H2BC5: variants seen among roughly 807,000 people sequenced by gnomAD.
H2BC5 encodes the protein histone H2B type 1-D.
Under a neutral mutation model 5.7 loss-of-function variants are expected in H2BC5, and 9 were observed. The ratio of observed to expected loss-of-function variants is 1.57; its 90% CI spans 0.95 to 2.74. The LOEUF (loss-of-function observed/expected upper bound fraction) is 2.74. H2BC5 is among the 30% of genes most tolerant of loss of function. H2BC5 has a pLI of 0.00. For missense variants in H2BC5, 175 were observed against 168.8 expected (o/e 1.04, Z -0.20); for synonymous variants, 133 against 70.9 (o/e 1.88, Z -4.40).
At chr6:26,160,121 C>CT (rs1764328521), downstream of H2BC5, among the ~76,000 whole-genome samples, 1 of 151,824 alleles carries the variant, frequency 6.6e-6, no homozygotes, top group African/African-American at 2.4e-5. Flanking sequence ...GTAGATTCTA[C>CT]TGCTAAGGCT....
downstream of H2BC5, chr6:26,158,777 C>G: frequency 1.5e-6 from 1 of 673,362 alleles, no homozygotes; most frequent in South Asian, 2.1e-5. Context: ...CGTATTAGAT[C>G]GTTAGCTCAT....
chr6:26,158,457 G>C lies in H2BC5; in HGVS notation c.288G>C (p.Gln96His). Residue 96 changes from glutamine (Q) to histidine (H), a missense_variant, in exon 1 of 1, where the codon CAG (glutamine) becomes CAC (histidine). Coordinates refer to ENST00000377777, the MANE Select transcript of H2BC5 (RefSeq NM_021063.4). ...CGACCATCACCTCCAGGGAGATCCA[G>C]ACGGCCGTGCGCCTGCTGCTTCCGG... ...KRSTITSREI[Q>H]TAVRLLLPGE... 1 of 1,614,270 alleles carries C rather than the reference G, an allele frequency of 6.2e-7. No homozygotes were observed. Among genetic ancestry groups the C allele is most frequent in the Non-Finnish European group, 8.5e-7 (1 of 1,180,054 alleles).
rs1420272988 is a variant in H2BC5 at position 26,158,132 on chromosome 6, C to T, written c.-38C>T. The T allele has an allele frequency of 2.5e-6, 4 of 1,582,466 alleles. No homozygotes were observed. The highest frequency in any genetic ancestry group is 3.8e-5 in the Admixed American group (2 of 53,014). ...GCCTCGGCGGGAGTGATTATTTTCT[C>T]AGGTGTTTGCAACAGTGTTCTAACT... On this transcript the variant is annotated 5_prime_UTR_variant, in exon 1 of 1. Transcript: ENST00000377777.
Position 26,169,051 on chromosome 6 carries a change from T to C in H2BC5, c.*10-1924T>C, listed in dbSNP as rs189315968. ...AATTTTTAAAAATGGAAAAAACAAATTAATGAAATTTAAATTGGACAAGAA... is the reference window on the plus strand; with the variant it reads ...AATTTTTAAAAATGGAAAAAACAAACTAATGAAATTTAAATTGGACAAGAA... On this transcript the variant is annotated intron_variant, in intron 1 of 1. Coordinates refer to the H2BC5 transcript ENST00000289316. 2.6e-3 allele frequency among the ~76,000 whole-genome samples: 391 copies of C among 152,126 alleles called. 3 individuals carry two copies. The highest frequency in any genetic ancestry group is 0.014 in the Middle Eastern group (4 of 294).
chr6:26,166,375 T>C lies in H2BC5; in HGVS notation c.*10-4600T>C, dbSNP rs138361109. Reference sequence around the variant, plus strand: ...TCCCTGCTCAGTCTGGTGCCTGCTCTGCATCATACCAGATACTGGCCTCCT... The same window carrying C: ...TCCCTGCTCAGTCTGGTGCCTGCTCCGCATCATACCAGATACTGGCCTCCT... On this transcript the variant is annotated intron_variant, in intron 1 of 1. Transcript: ENST00000289316. Among the ~76,000 whole-genome samples the C allele has an allele frequency of 7.7e-3, 1,169 of 152,324 alleles. 11 individuals are homozygous for C. Among genetic ancestry groups the C allele is most frequent in the African/African-American group, 0.024 (993 of 41,558 alleles).
At chr6:26,160,514 G>GAAAAAAAAAAA (rs34183291), downstream of H2BC5, among the ~76,000 whole-genome samples, 1 of 55,166 alleles carries the variant, frequency 1.8e-5, no homozygotes. Flanking sequence ...TCCTGTCTCT[G>GAAAAAAAAAAA]AAAAAAAAAA....
At chr6:26,162,162 ACT>A (rs1484402973), downstream of H2BC5, among the ~76,000 whole-genome samples, 4 of 152,166 alleles carry the variant, frequency 2.6e-5, no homozygotes, top group African/African-American at 7.2e-5. Context: ...ACACTAAAGC[ACT>A]GTTTGAAATT....
chr6:26,164,820 G>A (rs1334487265), intron 1 of H2BC5, among the ~76,000 whole-genome samples: 1 of 151,836 alleles, frequency 6.6e-6, no homozygotes, highest in Non-Finnish European at 1.5e-5. Context: ...CAGGAGAACC[G>A]GCACCTTGAT....
intron 1 of H2BC5, among the ~76,000 whole-genome samples, chr6:26,167,025 TTTTC>T (rs1253331296): frequency 3.4e-5 from 5 of 149,176 alleles, no homozygotes; most frequent in Non-Finnish European, 5.9e-5. Flanking sequence ...CTTCACATTC[TTTTC>T]TTTCTTTTTT....
At chr6:26,158,613 T>C, downstream of H2BC5, 1 of 1,588,454 alleles carries the variant, frequency 6.3e-7, no homozygotes, top group Admixed American at 1.8e-5. Context: ...ACGCATGTTT[T>C]CAATAAATGA....
chr6:26,165,317 T>G (rs1019946030), intron 1 of H2BC5, among the ~76,000 whole-genome samples: 3 of 152,198 alleles, frequency 2.0e-5, no homozygotes, highest in African/African-American at 7.2e-5. Context: ...TCTGGGCTGC[T>G]GCATGTACAC....
chr6:26,166,161 G>A (rs1764419949), intron 1 of H2BC5, among the ~76,000 whole-genome samples: 4 of 152,238 alleles, frequency 2.6e-5, no homozygotes, highest in African/African-American at 9.6e-5. Flanking sequence ...GAGCCCAAAG[G>A]CTGGAAGTAG....
At chr6:26,170,624 AAC>A (rs1764502413) in intron 1 of H2BC5, among the ~76,000 whole-genome samples, 1 of 152,244 alleles carries the variant, frequency 6.6e-6, no homozygotes, top group Non-Finnish European at 1.5e-5. Context: ...AGCAATATTT[AAC>A]AGTTATTATA....
intron 1 of H2BC5, among the ~76,000 whole-genome samples, chr6:26,165,821 A>G (rs1271316235): frequency 6.6e-6 from 1 of 152,194 alleles, no homozygotes; most frequent in African/African-American, 2.4e-5. Flanking sequence ...ATGAGGGATG[A>G]AAAGGAGGTG....
rs147575778 is a variant in H2BC5 at position 26,164,070 on chromosome 6, G to T, written c.*9+5511G>T. The T allele has an allele frequency of 1.6e-3, 748 of 459,826 alleles. 13 individuals are homozygous for T. The East Asian group carries it at 0.016, about 10-fold the overall frequency. The allele number at this position is 459,826 out of a possible 1,614,324, so 28.5% of individuals were successfully genotyped here. A position where few individuals can be genotyped will look rare whatever the true frequency, so the allele number is the denominator to read the frequency against. ...TTCCAAAGCCAAAAATGTGGACATT[G>T]ACCCCAACTGCAAAAATACCTCAGC... On this transcript the variant is annotated intron_variant, in intron 1 of 1. Coordinates refer to the H2BC5 transcript ENST00000289316.
In H2BC5 at chr6:26,158,472, G is replaced by T. The variant is rs572119966; in HGVS notation, c.303G>T (p.Leu101=). The T allele has an allele frequency of 5.6e-6, 9 of 1,614,256 alleles. No homozygotes were observed. The highest frequency in any genetic ancestry group is 2.7e-5 in the African/African-American group (2 of 75,072). ...TSREIQTAVR[L]LLPGELAKHA... ...GGGAGATCCAGACGGCCGTGCGCCTGCTGCTTCCGGGGGAGCTGGCCAAGC... is the reference window on the plus strand; with the variant it reads ...GGGAGATCCAGACGGCCGTGCGCCTTCTGCTTCCGGGGGAGCTGGCCAAGC... The change falls in exon 1 of 1, where the codon CTG becomes CTT. Residue 101 remains leucine (L), a synonymous_variant. Coordinates refer to ENST00000377777, the MANE Select transcript of H2BC5 (RefSeq NM_021063.4).
At chr6:26,163,107 T>C (rs1471713499), downstream of H2BC5, among the ~76,000 whole-genome samples, 1 of 145,836 alleles carries the variant, frequency 6.9e-6, no homozygotes, top group African/African-American at 2.6e-5. Flanking sequence ...TTGCATAAAA[T>C]CATTCTATGA....
At chr6:26,159,248 T>G (rs981232115), downstream of H2BC5, among the ~76,000 whole-genome samples, 5 of 135,590 alleles carry the variant, frequency 3.7e-5, no homozygotes, top group Middle Eastern at 7.2e-3. Context: ...TATAGGTTTT[T>G]TTTTTTTTTT....
At chr6:26,170,298 A>G (rs1051806728) in intron 1 of H2BC5, among the ~76,000 whole-genome samples, 7 of 152,204 alleles carry the variant, frequency 4.6e-5, no homozygotes, top group Non-Finnish European at 8.8e-5. Context: ...GTCCATAAAA[A>G]CAGGGAGTTC....
Sources: gnomAD v4.1 joint callset for allele counts (sites outside exome capture counted in the v4.1 genomes callset) on GRCh38, gnomAD v4.1.1 for gene constraint, MANE v1.5 for transcripts, NCBI Gene and HGNC (gene_info 2026-07-23, HGNC 2026-07-21) for gene names.